Variants in VPS26B observed in about 807,000 individuals in gnomAD.
The protein encoded by VPS26B is vacuolar protein sorting-associated protein 26B.
In VPS26B, 10 loss-of-function variants were observed where a neutral mutation model predicts 33.3. That is an observed-to-expected ratio of 0.30 (90% CI 0.19 to 0.51). The LOEUF is 0.51. Among genes scored for constraint, VPS26B ranks in the 20% least tolerant of loss-of-function variants. The pLI is 0.98. For missense variants in VPS26B, 317 were observed against 452.7 expected (o/e 0.70, Z 2.72); for synonymous variants, 190 against 176.9 (o/e 1.07, Z -0.59).
Position 134,245,144 on chromosome 11 carries a change from T to C in VPS26B, c.864+64T>C. The stretch of plus-strand genomic sequence containing the variant: ...ACAGAACAGGAGGCTCTCTTTCCTA[T>C]GGAAGGTCAGACTCCATTTTTGCCA... On this transcript the variant is annotated intron_variant, in intron 5 of 5. Coordinates refer to ENST00000281187, the MANE Select transcript of VPS26B (RefSeq NM_052875.5). The surrounding 1 kb of genome is among the most constrained non-coding windows in gnomAD (Gnocchi z 4.7). 3.2e-6 allele frequency: 5 copies of C among 1,576,208 alleles called. No individual in the cohort carries two copies. The highest frequency in any genetic ancestry group is 4.3e-6 in the Non-Finnish European group (5 of 1,164,550).
In VPS26B at chr11:134,240,220, A is replaced by G. The variant is rs1938695800; in HGVS notation, c.545+65A>G. The G allele has an allele frequency of 6.4e-7, 1 of 1,559,034 alleles. No homozygotes were observed. The highest frequency in any genetic ancestry group is 8.8e-7 in the Non-Finnish European group (1 of 1,136,938). ...AGGAGGTTAAGATGGGACTTGATGC[A>G]GATGCAAACTGATGACCCTCTGTGA... On this transcript the variant is annotated intron_variant, in intron 3 of 5. Coordinates refer to ENST00000281187, the MANE Select transcript of VPS26B (RefSeq NM_052875.5). This position sits in a 1 kb window ranked among gnomAD's most constrained non-coding sequence, Gnocchi z 4.4.
In VPS26B at chr11:134,234,980, C is replaced by G. The variant is rs1938610077; in HGVS notation, c.307C>G (p.Gln103Glu). 1 of 1,614,066 alleles carries G rather than the reference C, an allele frequency of 6.2e-7. No homozygotes were observed. The highest frequency in any genetic ancestry group is 1.3e-5 in the African/African-American group (1 of 74,926). The change falls in exon 2 of 6, where the codon CAG becomes GAG. Residue 103 changes from glutamine (Q) to glutamate (E), a missense_variant. Transcript: ENST00000281187. ...CCGGCCTGGAGAGATCACCCAGTCG[C>G]AGGCCTTCGACTTTGAGTTTACCCA... ...LARPGEITQS[Q>E]AFDFEFTHVE...
At chr11:134,232,848 G>A (rs754998650) in intron 1 of VPS26B, among the ~76,000 whole-genome samples, 2 of 152,202 alleles carry the variant, frequency 1.3e-5, no homozygotes, top group Middle Eastern at 3.4e-3. Flanking sequence ...TCAAGGTTTC[G>A]GCTTCCACAC....
intron 2 of VPS26B, among the ~76,000 whole-genome samples, chr11:134,239,497 T>C (rs549256452): frequency 6.6e-6 from 1 of 152,332 alleles, no homozygotes; most frequent in South Asian, 2.1e-4. Context: ...TAAGAAAGGT[T>C]TATTGGGACA....
rs117914280 is a variant in VPS26B, at chr11:134,226,664, A to C, written c.223+1319A>C. 1.6e-4 allele frequency among the ~76,000 whole-genome samples: 24 copies of C among 152,344 alleles called. No homozygotes were observed. In the East Asian group the frequency reaches 4.2e-3, roughly 27 times the overall value. Reference sequence around the variant, plus strand: ...CATACCGATACCACACACTGCATACATAACTCTGTTTTTAGAGACTTCCTT... The same window carrying C: ...CATACCGATACCACACACTGCATACCTAACTCTGTTTTTAGAGACTTCCTT... On this transcript the variant is annotated intron_variant, in intron 1 of 5. Coordinates refer to ENST00000281187, the MANE Select transcript of VPS26B (RefSeq NM_052875.5).
At chr11:134,238,638 C>T (rs1481404359) in intron 2 of VPS26B, among the ~76,000 whole-genome samples, 1 of 152,154 alleles carries the variant, frequency 6.6e-6, no homozygotes, top group African/African-American at 2.4e-5. Context: ...CTCTGTTGCC[C>T]AGGCTGGAGT....
At chr11:134,235,806 GA>G (rs1171194053) in intron 2 of VPS26B, 2 of 152,018 alleles carry the variant, frequency 1.3e-5, no homozygotes, top group South Asian at 2.1e-4. Flanking sequence ...TCTTTTGGGT[GA>G]AAAAAAATCT....
chr11:134,242,781 G>C (rs1170641235), intron 3 of VPS26B, among the ~76,000 whole-genome samples: 1 of 152,266 alleles, frequency 6.6e-6, no homozygotes, highest in Non-Finnish European at 1.5e-5. Flanking sequence ...TGTGGGACTA[G>C]CCTCTCATAC....
At position 134,245,044 on chromosome 11, in the gene VPS26B, G is replaced by C. The variant is rs149896543; in HGVS notation, c.828G>C (p.Leu276=). 2.4e-4 allele frequency: 390 copies of C among 1,614,178 alleles called. 4 individuals are homozygous for C. In the East Asian group the frequency reaches 4.0e-3, roughly 16 times the overall value. ...FSVRYYLNLV[L]IDEEERRYFK... is the part of the protein sequence containing the mutation. ...TGCGCTATTACCTCAACCTGGTGCTGATAGACGAGGAGGAGCGGCGCTACT... is the reference window on the plus strand; with the variant it reads ...TGCGCTATTACCTCAACCTGGTGCTCATAGACGAGGAGGAGCGGCGCTACT... Residue 276 remains leucine, a synonymous_variant, in exon 5 of 6, where the codon CTG becomes CTC. Transcript: ENST00000281187. The surrounding 1 kb of genome is among the most constrained non-coding windows in gnomAD (Gnocchi z 4.7).
chr11:134,243,962 T>C (rs1339782895), intron 4 of VPS26B: 1 of 152,248 alleles, frequency 6.6e-6, no homozygotes, highest in Non-Finnish European at 1.5e-5. Flanking sequence ...ACTCTTCATT[T>C]TGAAGTGCAT....
chr11:134,230,355 ATTTTGTTTTCTTTCC>A (rs1451174720), intron 1 of VPS26B, among the ~76,000 whole-genome samples: 1 of 152,228 alleles, frequency 6.6e-6, no homozygotes, highest in Non-Finnish European at 1.5e-5. Flanking sequence ...GTTTTGTTTC[ATTTTGTTTTCTTTCC>A]TTTTCCCACA....
rs1938791912 is a variant in VPS26B at position 134,245,231 on chromosome 11, T to C, written c.864+151T>C. On this transcript the variant is annotated intron_variant, in intron 5 of 5. Transcript: ENST00000281187. The surrounding 1 kb of genome is among the most constrained non-coding windows in gnomAD (Gnocchi z 4.7). ...CAAGAATGAGGATTCTCACCTGGCCTTAGAGTCTGCTTCCTCGGGCCTTCT... is the reference window on the plus strand; with the variant it reads ...CAAGAATGAGGATTCTCACCTGGCCCTAGAGTCTGCTTCCTCGGGCCTTCT... The C allele has an allele frequency of 1.5e-6, 2 of 1,342,696 alleles. No individual in the cohort carries two copies. The highest frequency in any genetic ancestry group is 1.5e-5 in the South Asian group (1 of 68,418). The allele number at this position is 1,342,696 out of a possible 1,614,324, so 83.2% of individuals were successfully genotyped here.
intron 3 of VPS26B, among the ~76,000 whole-genome samples, chr11:134,241,111 A>C (rs1938718510): frequency 6.6e-6 from 1 of 152,232 alleles, no homozygotes; most frequent in South Asian, 2.1e-4. Flanking sequence ...TTTCTTTTGA[A>C]TATGATATTC....
At position 134,247,273 on chromosome 11, in the gene VPS26B, G is replaced by A. The variant is rs940263074; in HGVS notation, c.*1683G>A. On this transcript the variant is annotated 3_prime_UTR_variant, in exon 6 of 6. Transcript: ENST00000281187. ...CTTGATGATCAAGGTTGGGGCTTAA[G>A]TGGATAAGGGAGGCAAGTTCTGGGT... 7.2e-5 allele frequency: 11 copies of A among 152,194 alleles called. No individual in the cohort carries two copies. Among genetic ancestry groups the A allele is most frequent in the African/African-American group, 2.7e-4 (11 of 41,426 alleles). 9.4% of individuals were successfully genotyped at this position (152,194 alleles called of 1,614,324 possible).
rs1938696793 is a variant in VPS26B, at chr11:134,240,280, G to A, written c.545+125G>A. 2 of 1,088,464 alleles carry A rather than the reference G, an allele frequency of 1.8e-6. No individual in the cohort carries two copies. The highest frequency in any genetic ancestry group is 1.9e-5 in the Admixed American group (1 of 53,524). The allele number at this position is 1,088,464 out of a possible 1,614,324, so 67.4% of individuals were successfully genotyped here. On this transcript the variant is annotated intron_variant, in intron 3 of 5. Transcript: ENST00000281187. This position sits in a 1 kb window ranked among gnomAD's most constrained non-coding sequence, Gnocchi z 4.4. ...TTTGTGGTGGCATGCGGTGGGGGAA[G>A]ACCGTGGGAGCAATCCAGTGAGTGT...
intron 1 of VPS26B, among the ~76,000 whole-genome samples, chr11:134,231,599 C>T (rs1206071140): frequency 1.3e-5 from 2 of 151,374 alleles, no homozygotes; most frequent in Admixed American, 1.3e-4. Context: ...GAGTCTTGCT[C>T]TGTCGCCCAG....
At chr11:134,241,053 G>C (rs2136052451) in intron 3 of VPS26B, among the ~76,000 whole-genome samples, 1 of 152,286 alleles carries the variant, frequency 6.6e-6, no homozygotes, top group South Asian at 2.1e-4. Context: ...TAATTAGCCA[G>C]TTATAAATAA....
intron 2 of VPS26B, chr11:134,239,629 A>G (rs1938687048): frequency 3.8e-6 from 1 of 261,468 alleles, no homozygotes; most frequent in South Asian, 5.0e-5. Context: ...CCTGTACACA[A>G]ATACATGGTC....
At chr11:134,242,480 GC>G (rs1938742714) in intron 3 of VPS26B, among the ~76,000 whole-genome samples, 1 of 152,236 alleles carries the variant, frequency 6.6e-6, no homozygotes, top group African/African-American at 2.4e-5. Flanking sequence ...GTTCTCTCAT[GC>G]CTGATACGGG....
Sources: allele counts gnomAD v4.1 joint callset (sites outside exome capture counted in the v4.1 genomes callset), GRCh38; gene constraint gnomAD v4.1.1; non-coding constraint Gnocchi (gnomAD v3.1); transcripts MANE v1.5; gene names NCBI Gene and HGNC (gene_info 2026-07-23, HGNC 2026-07-21).